PELI2: variants seen among roughly 807,000 people sequenced by gnomAD.
The protein encoded by PELI2 is E3 ubiquitin-protein ligase pellino homolog 2.
PELI2 carries 23 observed loss-of-function variants against 42.3 expected under a neutral mutation model. The ratio of observed to expected loss-of-function variants is 0.54; its 90% CI spans 0.39 to 0.77. The LOEUF is 0.77. PELI2 is among the 30% of genes least tolerant of loss of function. The pLI, the probability that PELI2 is intolerant of heterozygous loss-of-function variation, is 0.00. For missense variants in PELI2, 463 were observed against 553.2 expected, an observed-to-expected ratio of 0.84 and a Z score of 1.64; for synonymous variants, 245 against 212.2, an observed-to-expected ratio of 1.15 and a Z score of -1.34.
chr14:56,151,572 TCTG>T (rs1198394402), intron 1 of PELI2, among the ~76,000 whole-genome samples: 1 of 152,222 alleles, frequency 6.6e-6, no homozygotes, highest in African/African-American at 2.4e-5. Context: ...TCATCCCAGC[TCTG>T]CTGCTGCGTA....
intron 1 of PELI2, among the ~76,000 whole-genome samples, chr14:56,161,368 G>A (rs1884759394): frequency 6.6e-6 from 1 of 151,318 alleles, no homozygotes; most frequent in Non-Finnish European, 1.5e-5. Context: ...GTGCAGTGGC[G>A]TGATCTCAGC....
intron 2 of PELI2, among the ~76,000 whole-genome samples, chr14:56,190,589 T>C (rs970593395): frequency 1.3e-5 from 2 of 151,748 alleles, no homozygotes; most frequent in East Asian, 3.9e-4. Context: ...CACAGATTAG[T>C]TTTGGTACTT....
intron 1 of PELI2, among the ~76,000 whole-genome samples, chr14:56,143,233 G>T (rs1181312978): frequency 2.6e-5 from 4 of 152,192 alleles, no homozygotes; most frequent in Non-Finnish European, 5.9e-5. Flanking sequence ...CTTGTGGTTA[G>T]GCTGAGGCTA....
rs1882931670 is a variant in PELI2, at chr14:56,118,477, C to T, written c.-184C>T. 3.0e-6 allele frequency: 1 copy of T among 338,242 alleles called. No individual in the cohort carries two copies. The highest frequency in any genetic ancestry group is 5.2e-6 in the Non-Finnish European group (1 of 190,650). The allele number at this position is 338,242 out of a possible 1,614,324, so 21.0% of individuals were successfully genotyped here. A position where few individuals can be genotyped will look rare whatever the true frequency, so the allele number is the denominator to read the frequency against. Reference sequence around the variant, plus strand: ...CGGAGCTCCGGGGAGTCAGGCGGAGCAGCCGCGCAGCCACGACGGAGCAGC... The same window carrying T: ...CGGAGCTCCGGGGAGTCAGGCGGAGTAGCCGCGCAGCCACGACGGAGCAGC... On this transcript the variant is annotated 5_prime_UTR_variant, in exon 1 of 6. Coordinates refer to ENST00000267460, the MANE Select transcript of PELI2 (RefSeq NM_021255.3).
chr14:56,174,176 T>A (rs1023055481), intron 1 of PELI2, among the ~76,000 whole-genome samples: 3 of 152,220 alleles, frequency 2.0e-5, no homozygotes, highest in Non-Finnish European at 4.4e-5. Context: ...GTGCCGGGAT[T>A]ACAGGCATGA....
chr14:56,120,692 A>G (rs1283128597), intron 1 of PELI2, among the ~76,000 whole-genome samples: 1 of 152,202 alleles, frequency 6.6e-6, no homozygotes, highest in Non-Finnish European at 1.5e-5. Context: ...GTGGAGTGAC[A>G]GGCATAAACA....
chr14:56,119,057 G>C (rs1595529139), intron 1 of PELI2: 2 of 160,866 alleles, frequency 1.2e-5, no homozygotes, highest in African/African-American at 4.8e-5. Context: ...GGGGGCAGGG[G>C]CTCCACTTCC....
chr14:56,239,865 T>G (rs1031640997), intron 2 of PELI2, among the ~76,000 whole-genome samples: 1 of 152,152 alleles, frequency 6.6e-6, no homozygotes, highest in African/African-American at 2.4e-5. Flanking sequence ...CATAATCAAC[T>G]CTTAGTTACA....
At chr14:56,193,890 T>C (rs570216137) in intron 2 of PELI2, among the ~76,000 whole-genome samples, 1 of 152,318 alleles carries the variant, frequency 6.6e-6, no homozygotes, top group African/African-American at 2.4e-5. Context: ...TTAGGAAGAT[T>C]CTGATTCCTC....
chr14:56,246,651 A>G (rs11158086), intron 2 of PELI2, among the ~76,000 whole-genome samples: 61,382 of 151,224 alleles, frequency 0.41, 13,119 homozygotes, highest in South Asian at 0.53. Context: ...TGGGCTTGAC[A>G]TGGTTATGCA....
At chr14:56,282,093 G>A (rs1004424029) in intron 3 of PELI2, among the ~76,000 whole-genome samples, 2 of 152,018 alleles carry the variant, frequency 1.3e-5, no homozygotes, top group South Asian at 2.1e-4. Flanking sequence ...CATGCGCAAC[G>A]CCATTTGTAC....
intron 2 of PELI2, among the ~76,000 whole-genome samples, chr14:56,245,938 A>C (rs534094731): frequency 6.6e-6 from 1 of 152,338 alleles, no homozygotes; most frequent in Admixed American, 6.5e-5. Flanking sequence ...AAGAGACTTG[A>C]GCATCCTCAG....
intron 1 of PELI2, among the ~76,000 whole-genome samples, chr14:56,126,033 A>G (rs369167854): frequency 6.6e-6 from 1 of 152,200 alleles, no homozygotes; most frequent in Non-Finnish European, 1.5e-5. Flanking sequence ...GCCCAAGTCA[A>G]AGTTTCCCTG....
intron 1 of PELI2, among the ~76,000 whole-genome samples, chr14:56,169,930 C>T (rs1052076789): frequency 4.6e-5 from 7 of 152,084 alleles, no homozygotes; most frequent in African/African-American, 9.7e-5. Context: ...CAATGTTAGG[C>T]GCTTATTGGC....
chr14:56,223,944 A>G (rs1459118862), intron 2 of PELI2, among the ~76,000 whole-genome samples: 1 of 152,244 alleles, frequency 6.6e-6, no homozygotes, highest in Non-Finnish European at 1.5e-5. Flanking sequence ...ATAGAAATAT[A>G]CAAGGATGGT....
intron 1 of PELI2, among the ~76,000 whole-genome samples, chr14:56,150,204 C>G (rs1185274262): frequency 6.6e-6 from 1 of 152,250 alleles, no homozygotes; most frequent in Admixed American, 6.5e-5. Flanking sequence ...CACGGCGTAA[C>G]TGTCAAGTGT....
intron 2 of PELI2, among the ~76,000 whole-genome samples, chr14:56,229,798 C>G (rs1358485351): frequency 6.6e-6 from 1 of 152,176 alleles, no homozygotes; most frequent in African/African-American, 2.4e-5. Flanking sequence ...TAATAAACTT[C>G]TCTGAGCTAA....
At chr14:56,218,105 G>A (rs1035448773) in intron 2 of PELI2, among the ~76,000 whole-genome samples, 1 of 152,200 alleles carries the variant, frequency 6.6e-6, no homozygotes, top group Non-Finnish European at 1.5e-5. Flanking sequence ...TAAAGCTGGG[G>A]TTTGAGCCCT....
intron 1 of PELI2, among the ~76,000 whole-genome samples, chr14:56,140,635 C>T (rs1343397384): frequency 6.6e-6 from 1 of 152,218 alleles, no homozygotes; most frequent in Non-Finnish European, 1.5e-5. Flanking sequence ...GGATGTTTGT[C>T]AACTTCTCCT....
Sources: gnomAD v4.1 joint callset for allele counts (sites outside exome capture counted in the v4.1 genomes callset) on GRCh38, gnomAD v4.1.1 for gene constraint, MANE v1.5 for transcripts, NCBI Gene and HGNC (gene_info 2026-07-23, HGNC 2026-07-21) for gene names.